Variants in SLC43A3 observed in about 807,000 individuals in gnomAD.
SLC43A3 encodes equilibrative nucleobase transporter 1.
In SLC43A3, 33 loss-of-function variants were observed where a neutral mutation model predicts 53.3. The observed-to-expected ratio is 0.62, with a 90% CI of 0.47 to 0.83. The LOEUF (loss-of-function observed/expected upper bound fraction) is 0.83. Ranked by LOEUF, SLC43A3 falls within the 40% of genes least tolerant of loss-of-function variation. The probability of loss-of-function intolerance (pLI) is 0.00; values close to 1 mark genes in which losing one functional copy is unlikely to be tolerated. For missense variants in SLC43A3, 530 were observed against 610.0 expected, an observed-to-expected ratio of 0.87 and a Z score of 1.38; for synonymous variants, 236 against 246.2, an observed-to-expected ratio of 0.96 and a Z score of 0.39.
chr11:57,424,463 G>A (rs550161996), intron 4 of SLC43A3, among the ~76,000 whole-genome samples: 14 of 152,260 alleles, frequency 9.2e-5, no homozygotes, highest in South Asian at 2.1e-4. Flanking sequence ...TGTGACCTTG[G>A]GCAAGGCGCT....
intron 13 of SLC43A3, 50 bp downstream of exon 13, chr11:57,409,125 G>A (rs1398352832): frequency 1.2e-6 from 2 of 1,607,812 alleles, no homozygotes; most frequent in African/African-American, 2.7e-5. Flanking sequence ...GGCAGCCAAG[G>A]CCTAAGGCCC....
rs747182808 is a variant in SLC43A3, at chr11:57,407,916, G to C, written c.1372-20C>G. The C allele has an allele frequency of 6.5e-7, 1 of 1,527,808 alleles. No homozygotes were observed. Among genetic ancestry groups the C allele is most frequent in the Non-Finnish European group, 9.1e-7 (1 of 1,101,846 alleles). The allele number at this position is 1,527,808 out of a possible 1,614,324, so 94.6% of individuals were successfully genotyped here. A position where few individuals can be genotyped will look rare whatever the true frequency, so the allele number is the denominator to read the frequency against. ...ATTCACCTGCAGGGAGAGCAGAAGT[G>C]AGGTGAAATCCAGGAATTCTGAACA... On this transcript the variant is annotated intron_variant, in intron 13 of 13. Coordinates refer to ENST00000395124, the MANE Select transcript of SLC43A3 (RefSeq NM_199329.3).
At chr11:57,408,177 C>T (rs940274317) in intron 13 of SLC43A3, 30 of 323,212 alleles carry the variant, frequency 9.3e-5, no homozygotes, top group Non-Finnish European at 1.5e-4. Flanking sequence ...TTCAAGGTCA[C>T]ATGGGAAGCT....
intron 7 of SLC43A3, among the ~76,000 whole-genome samples, chr11:57,419,176 C>A (rs1188288268): frequency 6.6e-6 from 1 of 152,052 alleles, no homozygotes; most frequent in Non-Finnish European, 1.5e-5. Context: ...TGCCTTTTTT[C>A]CCCCAACGAC....
intron 13 of SLC43A3, chr11:57,408,149 C>T (rs139922364): frequency 8.9e-5 from 35 of 395,386 alleles, no homozygotes; most frequent in African/African-American, 5.7e-4. Context: ...AGAGGCCTAG[C>T]GAGCATTCAA....
chr11:57,408,182 G>A, intron 13 of SLC43A3: 1 of 311,226 alleles, frequency 3.2e-6, no homozygotes, highest in African/African-American at 2.1e-5. Flanking sequence ...GGTCACATGG[G>A]AAGCTGGTAG....
At chr11:57,416,297 C>T (rs755394125) in intron 9 of SLC43A3, among the ~76,000 whole-genome samples, 11 of 151,986 alleles carry the variant, frequency 7.2e-5, no homozygotes, top group Non-Finnish European at 1.5e-4. Flanking sequence ...GAGGGCAGAA[C>T]CGAGGAGTGG....
chr11:57,414,655 G>A lies in SLC43A3; in HGVS notation c.1020C>T (p.Asp340=), dbSNP rs1027657665. 6.2e-7 allele frequency: 1 copy of A among 1,613,962 alleles called. No homozygotes were observed. Among genetic ancestry groups the A allele is most frequent in the Non-Finnish European group, 8.5e-7 (1 of 1,179,948 alleles). ...CCTTCTGGTACTTCTGTTTAAGCCG[G>A]TCCATGAGCAGGCCATTCCAGGGGG... ...LCAPWNGLLM[D]RLKQKYQKEA... is the part of the protein sequence containing the mutation. The change falls in exon 11 of 14, where the codon GAC becomes GAT. Residue 340 remains aspartate (D), a synonymous_variant. Coordinates refer to ENST00000395124, the MANE Select transcript of SLC43A3 (RefSeq NM_199329.3).
chr11:57,424,103 A>G, intron 4 of SLC43A3, 75 bp from the exon 5 acceptor site: 1 of 1,441,902 alleles, frequency 6.9e-7, no homozygotes, highest in Non-Finnish European at 9.7e-7. Flanking sequence ...GATTCTGCTC[A>G]GCCAGCCCAC....
rs757817259 is a variant in SLC43A3 at position 57,424,083 on chromosome 11, G to GA, written c.315-56dup. 1.8e-4 allele frequency: 284 copies of GA among 1,547,426 alleles called. 1 individual carries two copies. In the African/African-American group the frequency reaches 3.3e-3, roughly 18 times the overall value. ...TTGTCAAGGAGGGAGAAACCTGGGAGAAAAAACATGATTCTGCTCAGCCAG... is the reference window on the plus strand; with the variant it reads ...TTGTCAAGGAGGGAGAAACCTGGGAGAAAAAAACATGATTCTGCTCAGCCAG... On this transcript the variant is annotated intron_variant, in intron 4 of 13. Transcript: ENST00000395124.
chr11:57,426,956 T>C (rs1943222126), intron 1 of SLC43A3, 106 bp downstream of exon 1: 1 of 152,086 alleles, frequency 6.6e-6, no homozygotes, highest in Admixed American at 6.5e-5. Flanking sequence ...CCCGCCAGCC[T>C]CCGCACCCCG....
chr11:57,424,476 CCTT>C (rs1489903194), intron 4 of SLC43A3, among the ~76,000 whole-genome samples: 1 of 152,188 alleles, frequency 6.6e-6, no homozygotes, highest in Non-Finnish European at 1.5e-5. Context: ...AAGGCGCTGT[CCTT>C]CTCTGGGCCT....
In SLC43A3 at chr11:57,417,989, T is replaced by A. The variant is rs1039707580; in HGVS notation, c.532-102A>T. The stretch of plus-strand genomic sequence containing the variant: ...AGCAAACTAAGGGTCCATCAGCAGA[T>A]GAACAGCTAAACATAATGTGATCTA... On this transcript the variant is annotated intron_variant, in intron 7 of 13. Coordinates refer to ENST00000395124, the MANE Select transcript of SLC43A3 (RefSeq NM_199329.3). 3.2e-5 allele frequency: 33 copies of A among 1,044,748 alleles called. No individual in the cohort carries two copies. The Admixed American group carries it at 7.1e-4, about 23-fold the overall frequency. The allele number at this position is 1,044,748 out of a possible 1,614,324, so 64.7% of individuals were successfully genotyped here.
chr11:57,416,643 C>A lies in SLC43A3; in HGVS notation c.699G>T (p.Lys233Asn). 6.2e-7 allele frequency: 1 copy of A among 1,614,130 alleles called. No individual in the cohort carries two copies. The highest frequency in any genetic ancestry group is 8.5e-7 in the Non-Finnish European group (1 of 1,180,018). The change falls in exon 9 of 14, where the codon AAG (lysine) becomes AAT (asparagine). Residue 233 changes from lysine (K) to asparagine (N), a missense_variant. Coordinates refer to ENST00000395124, the MANE Select transcript of SLC43A3 (RefSeq NM_199329.3). ...CATGCTCAGCTGTTTCCTTCTCTTCCTTTGTGGTGCCATTCCCAGGGCACA... is the reference window on the plus strand; with the variant it reads ...CATGCTCAGCTGTTTCCTTCTCTTCATTTGTGGTGCCATTCCCAGGGCACA... ...YGLCPGNGTTKEEKETAEHEN... is the reference protein window; with the variant it reads ...YGLCPGNGTTNEEKETAEHEN...
chr11:57,415,407 C>T (rs953357860), intron 9 of SLC43A3: 20 of 1,378,482 alleles, frequency 1.5e-5, no homozygotes, highest in Admixed American at 2.2e-5. Context: ...TCTTTCTCAG[C>T]GAGAAAGGTG....
chr11:57,423,908 C>T (rs939001060), intron 5 of SLC43A3, 74 bp downstream of exon 5: 10 of 1,305,582 alleles, frequency 7.7e-6, no homozygotes, highest in Non-Finnish European at 1.1e-5. Context: ...TGCCTATAGC[C>T]CTCTGCTCAC....
intron 10 of SLC43A3, 61 bp from the exon 11 acceptor site, chr11:57,414,792 G>A: frequency 1.3e-6 from 2 of 1,533,562 alleles, no homozygotes; most frequent in Non-Finnish European, 1.8e-6. Flanking sequence ...TCCAGGCAGG[G>A]ACTCTCCCAC....
intron 7 of SLC43A3, 134 bp from the exon 8 acceptor site, chr11:57,418,021 CA>C (rs1942800179): frequency 1.3e-6 from 1 of 776,576 alleles, no homozygotes; most frequent in African/African-American, 1.8e-5. Context: ...TCTATACACA[CA>C]ATGGAATATT....
intron 11 of SLC43A3, among the ~76,000 whole-genome samples, chr11:57,411,577 A>G (rs1942477105): frequency 6.6e-6 from 1 of 151,784 alleles, no homozygotes; most frequent in African/African-American, 2.4e-5. Context: ...AAGGGAGAGG[A>G]TCACTTGAGC....
Sources: allele counts gnomAD v4.1 joint callset (sites outside exome capture counted in the v4.1 genomes callset), GRCh38; gene constraint gnomAD v4.1.1; transcripts MANE v1.5; gene names NCBI Gene and HGNC (gene_info 2026-07-23, HGNC 2026-07-21).